Variants in OR5D3 observed in about 807,000 individuals in gnomAD.
The protein encoded by OR5D3 is olfactory receptor 5D3.
At chr11:55,723,917 A>G in the OR5D3 span, 14 of 394,160 alleles carry the variant, frequency 3.6e-5, no homozygotes, top group African/African-American at 2.7e-4. Context: ...CTTCAAGGAA[A>G]TATACTCTCG....
chr11:55,724,124 C>G, the OR5D3 span: 34,258 of 393,590 alleles, frequency 0.087, 1,695 homozygotes, highest in African/African-American at 0.16. Context: ...ATCTTAGTAC[C>G]AGACAAACAC....
the OR5D3 span, chr11:55,726,836 T>C: frequency 5.0e-6 from 2 of 399,062 alleles, no homozygotes; most frequent in East Asian, 3.6e-5. Context: ...TTCAATGAAA[T>C]AAGCAGCCTG....
At chr11:55,724,152 C>T in the OR5D3 span, 2 of 388,926 alleles carry the variant, frequency 5.1e-6, no homozygotes, top group Admixed American at 4.5e-5. Context: ...GGTTGAAGTG[C>T]CCTCAAATCC....
the OR5D3 span, among the ~76,000 whole-genome samples, chr11:55,725,823 T>C: frequency 2.0e-5 from 3 of 152,046 alleles, no homozygotes; most frequent in African/African-American, 7.3e-5. Flanking sequence ...GTCTCAAAGC[T>C]TTAGAGGTAC....
the OR5D3 span, among the ~76,000 whole-genome samples, chr11:55,725,505 C>T: frequency 1.4e-4 from 21 of 152,032 alleles, no homozygotes; most frequent in African/African-American, 4.8e-4. Flanking sequence ...AAATGAAAAA[C>T]TTTTCATTTA....
At chr11:55,726,387 T>C in the OR5D3 span, 40,754 of 472,590 alleles carry the variant, frequency 0.086, 2,076 homozygotes, top group African/African-American at 0.16. Flanking sequence ...TCCACACCCC[T>C]ATGTACTTTT....
chr11:55,728,465 T>C, the OR5D3 span: 1 of 152,082 alleles, frequency 6.6e-6, no homozygotes, highest in Non-Finnish European at 1.5e-5. Flanking sequence ...ATGGCTCTAA[T>C]TGGTTTTAGA....
the OR5D3 span, among the ~76,000 whole-genome samples, chr11:55,724,933 G>A: frequency 4.7e-3 from 709 of 152,050 alleles, 11 homozygotes; most frequent in African/African-American, 0.016. Flanking sequence ...TTGTGTAATG[G>A]AAAAACATAA....
the OR5D3 span, chr11:55,729,581 A>C: frequency 6.6e-6 from 1 of 152,072 alleles, no homozygotes; most frequent in African/African-American, 2.4e-5. Flanking sequence ...CAAATATATC[A>C]TTACGTGATT....
At chr11:55,727,277 T>G in the OR5D3 span, 1 of 395,056 alleles carries the variant, frequency 2.5e-6, no homozygotes, top group South Asian at 1.4e-4. Flanking sequence ...CACACTGATG[T>G]TTAGTAAAAT....
the OR5D3 span, chr11:55,726,440 C>T: frequency 1.5e-5 from 7 of 469,512 alleles, no homozygotes; most frequent in Non-Finnish European, 2.7e-5. Flanking sequence ...TATTCCACCA[C>T]AATTACACCA....
the OR5D3 span, chr11:55,726,222 A>G: frequency 2.5e-6 from 1 of 399,658 alleles, no homozygotes; most frequent in Non-Finnish European, 4.4e-6. Flanking sequence ...ACAGGATTCA[A>G]AAAAATCAGA....
the OR5D3 span, chr11:55,726,720 T>A: frequency 1.3e-5 from 5 of 399,144 alleles, no homozygotes; most frequent in African/African-American, 2.1e-5. Context: ...TATCTTTTTG[T>A]AGGACTAACT....
chr11:55,728,474 G>A, the OR5D3 span: 2 of 152,186 alleles, frequency 1.3e-5, no homozygotes, highest in Non-Finnish European at 2.9e-5. Flanking sequence ...ATTGGTTTTA[G>A]AGAAGTTTTC....
chr11:55,724,484 G>A, the OR5D3 span, among the ~76,000 whole-genome samples: 31 of 152,016 alleles, frequency 2.0e-4, no homozygotes, highest in Admixed American at 2.0e-3. Context: ...AAGAGTAGAT[G>A]GTAAAATAAA....
At chr11:55,725,134 C>T in the OR5D3 span, among the ~76,000 whole-genome samples, 16 of 152,066 alleles carry the variant, frequency 1.1e-4, 1 homozygote, top group East Asian at 3.1e-3. Context: ...CACTAATTAG[C>T]TATAATTCTA....
chr11:55,727,429 A>T, the OR5D3 span: 1 of 209,792 alleles, frequency 4.8e-6, no homozygotes, highest in Non-Finnish European at 9.4e-6. Context: ...GTTCAATTTA[A>T]ATCTTGCAAA....
At chr11:55,727,182 C>T in the OR5D3 span, 1 of 398,174 alleles carries the variant, frequency 2.5e-6, no homozygotes, top group East Asian at 3.6e-5. Context: ...AATTATTTAT[C>T]CTTGAGAGCA....
At chr11:55,726,154 T>C in the OR5D3 span, 1 of 397,892 alleles carries the variant, frequency 2.5e-6, no homozygotes, top group African/African-American at 2.1e-5. Flanking sequence ...TTCCTTTCTG[T>C]TTCTTATTGC....
Sources: gnomAD v4.1 joint callset for allele counts (sites outside exome capture counted in the v4.1 genomes callset) on GRCh38, gnomAD v4.1.1 for gene constraint, MANE v1.5 for transcripts, NCBI Gene and HGNC (gene_info 2026-07-23, HGNC 2026-07-21) for gene names.